Variants in CRTAC1 observed in about 807,000 individuals in gnomAD.
CRTAC1 encodes acidic secreted protein in cartilage.
A neutral mutation model predicts 67.8 loss-of-function variants in CRTAC1; 37 were observed. The ratio of observed to expected loss-of-function variants is 0.55; its 90% CI spans 0.42 to 0.72. The LOEUF (loss-of-function observed/expected upper bound fraction) is 0.72. Among genes scored for constraint, CRTAC1 ranks in the 30% least tolerant of loss-of-function variants. The pLI is 0.00. For missense variants in CRTAC1, 780 were observed against 931.6 expected (o/e 0.84, Z 2.12); for synonymous variants, 348 against 371.0 (o/e 0.94, Z 0.71).
intron 11 of CRTAC1, among the ~76,000 whole-genome samples, chr10:97,892,014 T>A (rs2050381850): frequency 6.6e-6 from 1 of 152,110 alleles, no homozygotes; most frequent in Non-Finnish European, 1.5e-5. Flanking sequence ...GAGCCAGAGT[T>A]CAGACCAAGA....
At chr10:97,996,997 A>G (rs1842587728) in intron 2 of CRTAC1, among the ~76,000 whole-genome samples, 1 of 147,968 alleles carries the variant, frequency 6.8e-6, no homozygotes. Flanking sequence ...AAAAAACCAA[A>G]CACCGCATGT....
intron 2 of CRTAC1, among the ~76,000 whole-genome samples, chr10:98,008,991 A>G (rs956604742): frequency 4.6e-5 from 7 of 152,120 alleles, no homozygotes; most frequent in African/African-American, 1.7e-4. Flanking sequence ...CAGTTTGGGT[A>G]TGGACTTAGT....
intron 2 of CRTAC1, among the ~76,000 whole-genome samples, chr10:97,946,550 T>C (rs1413183468): frequency 1.3e-5 from 2 of 152,192 alleles, no homozygotes; most frequent in Admixed American, 1.3e-4. Context: ...AGGCAAGAGC[T>C]GGGAGCCTGT....
chr10:97,942,799 G>A (rs186283326), intron 2 of CRTAC1, among the ~76,000 whole-genome samples: 261 of 151,594 alleles, frequency 1.7e-3, no homozygotes, highest in Admixed American at 4.5e-3. Flanking sequence ...GGGTATGGTA[G>A]CTCATGCCTG....
At chr10:97,959,591 T>C (rs889304941) in intron 2 of CRTAC1, among the ~76,000 whole-genome samples, 2 of 152,230 alleles carry the variant, frequency 1.3e-5, no homozygotes, top group Non-Finnish European at 2.9e-5. Flanking sequence ...AAAAATGCTA[T>C]ATAAACTGCA....
intron 7 of CRTAC1, among the ~76,000 whole-genome samples, chr10:97,903,714 CA>C (rs2050571906): frequency 6.6e-6 from 1 of 152,118 alleles, no homozygotes; most frequent in African/African-American, 2.4e-5. Flanking sequence ...AGATCAGCTT[CA>C]ACCAGCCCAT....
At chr10:97,967,754 T>C (rs1238312973) in intron 2 of CRTAC1, among the ~76,000 whole-genome samples, 4 of 152,112 alleles carry the variant, frequency 2.6e-5, no homozygotes. Flanking sequence ...TAGTAAGTGC[T>C]CCCTCACTGA....
intron 2 of CRTAC1, among the ~76,000 whole-genome samples, chr10:98,000,992 T>A (rs1354196411): frequency 1.3e-5 from 2 of 152,124 alleles, no homozygotes; most frequent in African/African-American, 4.8e-5. Flanking sequence ...TTAAGTATGG[T>A]AAAGATAAAC....
At chr10:98,006,041 A>T (rs1469215242) in intron 2 of CRTAC1, among the ~76,000 whole-genome samples, 1 of 152,262 alleles carries the variant, frequency 6.6e-6, no homozygotes, top group African/African-American at 2.4e-5. Flanking sequence ...TCATGATTTA[A>T]ACTTTACAAC....
intron 2 of CRTAC1, among the ~76,000 whole-genome samples, chr10:97,955,234 A>C (rs367584665): frequency 6.6e-6 from 1 of 152,228 alleles, no homozygotes; most frequent in African/African-American, 2.4e-5. Flanking sequence ...ATGGAGTCCA[A>C]GGGTTTCTCA....
intron 14 of CRTAC1, among the ~76,000 whole-genome samples, chr10:97,873,135 C>T (rs1336053814): frequency 1.3e-5 from 2 of 152,150 alleles, no homozygotes; most frequent in African/African-American, 4.8e-5. Flanking sequence ...AACTGAGGCT[C>T]AGAGATGAAA....
chr10:97,880,657 C>A (rs2050200811), intron 13 of CRTAC1, among the ~76,000 whole-genome samples: 1 of 152,124 alleles, frequency 6.6e-6, no homozygotes, highest in East Asian at 1.9e-4. Context: ...ATGGATGATT[C>A]CGAAAGTTCT....
intron 2 of CRTAC1, among the ~76,000 whole-genome samples, chr10:98,006,305 G>A (rs374813879): frequency 6.0e-4 from 91 of 152,180 alleles, no homozygotes; most frequent in African/African-American, 2.0e-3. Context: ...TGGTCTGTGC[G>A]TGCACGGAAG....
intron 2 of CRTAC1, among the ~76,000 whole-genome samples, chr10:97,999,904 T>C (rs1842655388): frequency 6.6e-6 from 1 of 152,094 alleles, no homozygotes; most frequent in Non-Finnish European, 1.5e-5. Flanking sequence ...ACTGACGCCC[T>C]GTCTGCAAAG....
At chr10:98,000,595 C>T (rs1044634225) in intron 2 of CRTAC1, among the ~76,000 whole-genome samples, 4 of 152,224 alleles carry the variant, frequency 2.6e-5, no homozygotes, top group African/African-American at 4.8e-5. Flanking sequence ...ATGAGCTGAG[C>T]GCAGCCTGCC....
chr10:97,900,010 T>C (rs993768612), intron 8 of CRTAC1, among the ~76,000 whole-genome samples: 17 of 152,366 alleles, frequency 1.1e-4, no homozygotes, highest in African/African-American at 2.4e-4. Context: ...TGGTGCCTAC[T>C]GTACTTGTTA....
rs113912751 is a variant in CRTAC1, at chr10:97,909,316, G to A, written c.716-1169C>T. 2.8e-4 allele frequency among the ~76,000 whole-genome samples: 43 copies of A among 152,134 alleles called. 1 individual carries two copies. The highest frequency in any genetic ancestry group is 1.0e-3 in the African/African-American group (42 of 41,494). On this transcript the variant is annotated intron_variant, in intron 5 of 14. Transcript: ENST00000370597. ...CCTTCCCTCAGCCACGCCCCCAAAC[G>A]CTGGAAATACTGTGCAGAAAATGGC...
At chr10:97,887,636 G>C (rs1156243083) in intron 11 of CRTAC1, among the ~76,000 whole-genome samples, 1 of 152,226 alleles carries the variant, frequency 6.6e-6, no homozygotes, top group African/African-American at 2.4e-5. Flanking sequence ...GCCTCAGAAA[G>C]CACAACCAGC....
intron 2 of CRTAC1, among the ~76,000 whole-genome samples, chr10:97,962,982 G>T (rs2051552856): frequency 6.6e-6 from 1 of 152,136 alleles, no homozygotes; most frequent in Non-Finnish European, 1.5e-5. Flanking sequence ...TAGCTGGGAT[G>T]ATGAGACTAA....
Sources: allele counts gnomAD v4.1 joint callset (sites outside exome capture counted in the v4.1 genomes callset), GRCh38; gene constraint gnomAD v4.1.1; transcripts MANE v1.5; gene names NCBI Gene and HGNC (gene_info 2026-07-23, HGNC 2026-07-21).